The following CTNNA2 variants were observed in gnomAD, a reference collection of about 807,000 sequenced individuals.
CTNNA2 encodes the protein catenin alpha-2.
A neutral mutation model predicts 101.0 loss-of-function variants in CTNNA2; 42 were observed. That is an observed-to-expected ratio of 0.42 (90% CI 0.32 to 0.54). The LOEUF is 0.54. Among genes scored for constraint, CTNNA2 ranks in the 20% least tolerant of loss-of-function variants. CTNNA2 has a pLI of 0.14. For missense variants in CTNNA2, 871 were observed against 1,223.1 expected (o/e 0.71, Z 4.29); for synonymous variants, 450 against 456.4 (o/e 0.99, Z 0.18).
intron 7 of CTNNA2, among the ~76,000 whole-genome samples, chr2:80,146,593 G>A (rs1222214174): frequency 6.6e-6 from 1 of 151,424 alleles, no homozygotes; most frequent in Admixed American, 6.6e-5. Context: ...GCTCTTACTT[G>A]AGTCTAGATT....
intron 2 of CTNNA2, among the ~76,000 whole-genome samples, chr2:79,281,135 A>C (rs1675368553): frequency 1.3e-5 from 2 of 151,970 alleles, no homozygotes; most frequent in Admixed American, 1.3e-4. Context: ...ACAGGAACTA[A>C]ACCAAGAACC....
At chr2:80,568,107 T>C (rs1374547499) in intron 12 of CTNNA2, among the ~76,000 whole-genome samples, 2 of 152,184 alleles carry the variant, frequency 1.3e-5, no homozygotes, top group Non-Finnish European at 1.5e-5. Context: ...TCTTGCTCAA[T>C]GGTGATGCTC....
intron 2 of CTNNA2, among the ~76,000 whole-genome samples, chr2:79,275,548 G>T (rs1034300923): frequency 6.6e-6 from 1 of 151,460 alleles, no homozygotes; most frequent in African/African-American, 2.4e-5. Flanking sequence ...ATGAAATTCA[G>T]GAAAAAAGGA....
intron 1 of CTNNA2, among the ~76,000 whole-genome samples, chr2:79,533,552 A>T (rs1032120154): frequency 4.6e-5 from 7 of 152,158 alleles, no homozygotes; most frequent in Non-Finnish European, 8.8e-5. Flanking sequence ...ACTAGAGTAT[A>T]TTAAATAATA....
At chr2:79,202,326 TG>T (rs1221410217) in intron 2 of CTNNA2, among the ~76,000 whole-genome samples, 1 of 130,264 alleles carries the variant, frequency 7.7e-6, no homozygotes, top group Non-Finnish European at 1.7e-5. Flanking sequence ...TCCACACACT[TG>T]TTTTTTTATT....
chr2:79,559,700 C>G (rs1375239550), intron 1 of CTNNA2, among the ~76,000 whole-genome samples: 1 of 151,722 alleles, frequency 6.6e-6, no homozygotes, highest in Non-Finnish European at 1.5e-5. Context: ...AGGTTGAACA[C>G]TAGTAGTTCT....
intron 7 of CTNNA2, among the ~76,000 whole-genome samples, chr2:80,263,263 TA>T (rs1672754313): frequency 6.6e-6 from 1 of 152,188 alleles, no homozygotes; most frequent in South Asian, 2.1e-4. Flanking sequence ...TAGATTTTGT[TA>T]AAACTATTCT....
intron 8 of CTNNA2, among the ~76,000 whole-genome samples, chr2:80,402,333 T>A (rs1678630187): frequency 6.6e-6 from 1 of 152,222 alleles, no homozygotes; most frequent in South Asian, 2.1e-4. Context: ...TTCATAGGCA[T>A]GATTGATTAA....
At chr2:80,152,317 G>GTTT (rs113520232) in intron 7 of CTNNA2, among the ~76,000 whole-genome samples, 1 of 143,238 alleles carries the variant, frequency 7.0e-6, no homozygotes, top group Non-Finnish European at 1.5e-5. Context: ...GCCACTTGAT[G>GTTT]TTTTTTTTTT....
intron 7 of CTNNA2, among the ~76,000 whole-genome samples, chr2:80,181,428 G>T (rs750752373): frequency 2.6e-5 from 4 of 152,158 alleles, no homozygotes; most frequent in Non-Finnish European, 5.9e-5. Flanking sequence ...ATTCCAAGTT[G>T]CAGGGTCCCA....
intron 13 of CTNNA2, among the ~76,000 whole-genome samples, chr2:80,578,725 T>A (rs1695279573): frequency 6.6e-6 from 1 of 152,152 alleles, no homozygotes; most frequent in Admixed American, 6.5e-5. Context: ...CCCGCCTCCA[T>A]CACTTGCTAG....
chr2:79,681,071 G>T (rs1683531662), intron 2 of CTNNA2, among the ~76,000 whole-genome samples: 1 of 152,188 alleles, frequency 6.6e-6, no homozygotes, highest in Non-Finnish European at 1.5e-5. Context: ...GGAAGGCTTA[G>T]TTGAGCCTCG....
chr2:79,880,173 T>C (rs1683318604), intron 6 of CTNNA2, among the ~76,000 whole-genome samples: 1 of 152,158 alleles, frequency 6.6e-6, no homozygotes, highest in Admixed American at 6.5e-5. Flanking sequence ...GAAGCTGACT[T>C]GGTCATGGAG....
At chr2:79,470,697 T>A (rs1322428440) in intron 4 of CTNNA2, among the ~76,000 whole-genome samples, 1 of 152,236 alleles carries the variant, frequency 6.6e-6, no homozygotes, top group East Asian at 1.9e-4. Context: ...CTTTGAATGC[T>A]TCTGATGCAA....
At chr2:80,319,160 C>T (rs1016706604) in intron 7 of CTNNA2, among the ~76,000 whole-genome samples, 2 of 152,218 alleles carry the variant, frequency 1.3e-5, no homozygotes, top group East Asian at 3.9e-4. Flanking sequence ...ACAGTAATAA[C>T]CCTATATGGG....
At chr2:79,851,456 T>C (rs1680698580) in intron 3 of CTNNA2, among the ~76,000 whole-genome samples, 1 of 152,172 alleles carries the variant, frequency 6.6e-6, no homozygotes, top group South Asian at 2.1e-4. Flanking sequence ...GGATGCACAG[T>C]TTGAGTTGCA....
At chr2:79,745,450 TAAAAAG>T (rs1250870908) in intron 3 of CTNNA2, among the ~76,000 whole-genome samples, 3 of 151,020 alleles carry the variant, frequency 2.0e-5, no homozygotes, top group Non-Finnish European at 4.4e-5. Flanking sequence ...AAAAATAAAA[TAAAAAG>T]AAAAAAGTCT....
At chr2:80,328,792 A>G (rs969550772) in intron 7 of CTNNA2, among the ~76,000 whole-genome samples, 2 of 152,220 alleles carry the variant, frequency 1.3e-5, no homozygotes, top group African/African-American at 2.4e-5. Context: ...GAATGTACTT[A>G]TACAAACCTA....
At chr2:79,567,896 C>T (rs1675214659) in intron 1 of CTNNA2, among the ~76,000 whole-genome samples, 2 of 152,088 alleles carry the variant, frequency 1.3e-5, no homozygotes, top group South Asian at 2.1e-4. Flanking sequence ...AAAGTTGGTA[C>T]CTGAAGACAA....
Sources: gnomAD v4.1 joint callset for allele counts (sites outside exome capture counted in the v4.1 genomes callset) on GRCh38, gnomAD v4.1.1 for gene constraint, MANE v1.5 for transcripts, NCBI Gene and HGNC (gene_info 2026-07-23, HGNC 2026-07-21) for gene names.